CUX2: variants seen among roughly 807,000 people sequenced by gnomAD.
CUX2 encodes cut like homeobox 2.
CUX2 carries 40 observed loss-of-function variants against 144.8 expected under a neutral mutation model. The observed-to-expected ratio is 0.28, with a 90% CI of 0.21 to 0.36. The LOEUF (loss-of-function observed/expected upper bound fraction) is 0.36, where lower values mean the gene tolerates loss of function less well. CUX2 is among the 10% of genes least tolerant of loss of function. CUX2 has a pLI of 1.00. For missense variants in CUX2, 1,615 were observed against 1,994.0 expected, an observed-to-expected ratio of 0.81 and a Z score of 3.62; for synonymous variants, 827 against 875.6, an observed-to-expected ratio of 0.94 and a Z score of 0.98.
At position 111,347,941 on chromosome 12, in the gene CUX2, C is replaced by T. The variant is rs199885312; in HGVS notation, c.4077C>T (p.Pro1359=). ...CAGGTGGATCCACCCCAGACTGTCCCTCACTTCATCCCCAACAGGAGAGTG... is the reference window on the plus strand; with the variant it reads ...CAGGTGGATCCACCCCAGACTGTCCTTCACTTCATCCCCAACAGGAGAGTG... ...LLPGGSTPDC[P]SLHPQQESEA... is the part of the protein sequence containing the mutation. The change falls in exon 22 of 22, where the codon CCC becomes CCT. Residue 1359 remains proline (P), a synonymous_variant. Transcript: ENST00000261726. The T allele has an allele frequency of 1.2e-5, 19 of 1,614,174 alleles. No homozygotes were observed. The South Asian group carries it at 2.0e-4, about 17-fold the overall frequency.
intron 1 of CUX2, among the ~76,000 whole-genome samples, chr12:111,119,762 T>TA (rs775061523): frequency 1.1e-4 from 16 of 152,186 alleles, no homozygotes; most frequent in South Asian, 4.1e-4. Context: ...TTACTATTGT[T>TA]AAAAAACATT....
At chr12:111,202,816 A>C (rs1323392663) in intron 1 of CUX2, among the ~76,000 whole-genome samples, 1 of 152,140 alleles carries the variant, frequency 6.6e-6, no homozygotes, top group Non-Finnish European at 1.5e-5. Context: ...TACTGTTTTA[A>C]ATAGGACGGC....
Position 111,320,427 on chromosome 12 carries a change from G to T in CUX2, c.2418G>T (p.Ser806=). 6.3e-7 allele frequency: 1 copy of T among 1,597,246 alleles called. No individual in the cohort carries two copies. Among genetic ancestry groups the T allele is most frequent in the Non-Finnish European group, 8.5e-7 (1 of 1,178,688 alleles). Residue 806 remains serine, a synonymous_variant, in exon 17 of 22, where the codon TCG becomes TCT. Transcript: ENST00000261726. The surrounding 1 kb of genome is among the most constrained non-coding windows in gnomAD (Gnocchi z 8.1). Reference sequence around the variant, plus strand: ...GCCCCTACGCCTCCGTGTCGCCCTCGCTGTCCTCCTCCTCCTCCTCTGGCT... The same window carrying T: ...GCCCCTACGCCTCCGTGTCGCCCTCTCTGTCCTCCTCCTCCTCCTCTGGCT... The part of the protein sequence containing the change: ...LSRPYASVSP[S]LSSSSSSGYS...
At chr12:111,177,043 G>A (rs1458410808) in intron 1 of CUX2, among the ~76,000 whole-genome samples, 1 of 152,084 alleles carries the variant, frequency 6.6e-6, no homozygotes, top group East Asian at 1.9e-4. Flanking sequence ...ATAGCCAAAT[G>A]TCCCCCAGAG....
intron 9 of CUX2, among the ~76,000 whole-genome samples, chr12:111,300,044 G>A (rs1441009433): frequency 6.6e-6 from 1 of 152,130 alleles, no homozygotes; most frequent in Non-Finnish European, 1.5e-5. Context: ...GTGCCACCAC[G>A]CCGTGCTAAT....
In CUX2 at chr12:111,310,413, C is replaced by T. The variant is rs199576286; in HGVS notation, c.1631C>T (p.Ala544Val). 1.8e-4 allele frequency: 289 copies of T among 1,607,710 alleles called. No individual in the cohort carries two copies. Among genetic ancestry groups the T allele is most frequent in the Non-Finnish European group, 2.3e-4 (272 of 1,176,700 alleles). ...EPADGGGGGA[A>V]GPGAEEEQLD... ...GCGGATGGTGGTGGGGGCGGAGCGG[C>T]GGGGCCCGGGGCAGAGGAGGAGCAG... The change falls in exon 15 of 22, where the codon GCG (alanine) becomes GTG (valine). Residue 544 changes from alanine to valine, a missense_variant. Coordinates refer to ENST00000261726, the MANE Select transcript of CUX2 (RefSeq NM_015267.4). This position sits in a 1 kb window ranked among gnomAD's most constrained non-coding sequence, Gnocchi z 7.9.
At chr12:111,048,283 G>T (rs1166460916) in intron 1 of CUX2, among the ~76,000 whole-genome samples, 1 of 152,200 alleles carries the variant, frequency 6.6e-6, no homozygotes, top group Non-Finnish European at 1.5e-5. Context: ...AATAGGCAAA[G>T]GACAGCATCT....
chr12:111,094,296 A>G (rs1052972433), intron 1 of CUX2, among the ~76,000 whole-genome samples: 10 of 152,232 alleles, frequency 6.6e-5, no homozygotes, highest in African/African-American at 2.4e-4. Flanking sequence ...CGGTGTGAGC[A>G]GCCCTGGCCA....
intron 4 of CUX2, among the ~76,000 whole-genome samples, chr12:111,271,085 T>C (rs956224280): frequency 2.0e-5 from 3 of 152,220 alleles, no homozygotes; most frequent in Non-Finnish European, 2.9e-5. Flanking sequence ...ATAACAGTTA[T>C]AGGAGTGACA....
chr12:111,215,014 GA>G (rs1565853609), intron 2 of CUX2, among the ~76,000 whole-genome samples: 1 of 141,512 alleles, frequency 7.1e-6, no homozygotes, highest in Non-Finnish European at 1.5e-5. Flanking sequence ...CATAAATAGA[GA>G]AAATAAAGCC....
chr12:111,297,861 C>T (rs1452472651), intron 8 of CUX2, among the ~76,000 whole-genome samples: 1 of 152,046 alleles, frequency 6.6e-6, no homozygotes, highest in Non-Finnish European at 1.5e-5. Flanking sequence ...AAGGGAAGAA[C>T]TGGGGATGGG....
intron 3 of CUX2, among the ~76,000 whole-genome samples, chr12:111,243,024 G>A (rs528335384): frequency 3.5e-4 from 53 of 152,296 alleles, no homozygotes; most frequent in Middle Eastern, 6.8e-3. Flanking sequence ...CCCTGCAAAG[G>A]ATATGAACTC....
intron 4 of CUX2, among the ~76,000 whole-genome samples, chr12:111,290,173 A>C (rs979284414): frequency 1.3e-5 from 2 of 152,228 alleles, no homozygotes; most frequent in African/African-American, 4.8e-5. Flanking sequence ...CAATGAAGCC[A>C]GGGCAACATG....
chr12:111,211,681 C>T (rs1275465294), intron 1 of CUX2, among the ~76,000 whole-genome samples: 2 of 151,922 alleles, frequency 1.3e-5, no homozygotes, highest in African/African-American at 4.8e-5. Context: ...GTCAGGAGAT[C>T]GAGACTATCC....
In CUX2 at chr12:111,115,234, G is replaced by A. The variant is rs1874214518; in HGVS notation, c.63+80994G>A. On this transcript the variant is annotated intron_variant, in intron 1 of 21. Coordinates refer to ENST00000261726, the MANE Select transcript of CUX2 (RefSeq NM_015267.4). ...AAGCAAACCTGCTGGTATTTTGATT[G>A]ACATTGCGTTGAATCTGTAGATCAA... is the stretch of plus-strand genomic sequence containing the variant. 2.7e-5 allele frequency among the ~76,000 whole-genome samples: 4 copies of A among 148,758 alleles called. No homozygotes were observed. The South Asian group carries it at 8.5e-4, about 32-fold the overall frequency.
chr12:111,317,099 A>G (rs1887235311), intron 16 of CUX2, among the ~76,000 whole-genome samples: 1 of 152,214 alleles, frequency 6.6e-6, no homozygotes, highest in Non-Finnish European at 1.5e-5. Flanking sequence ...TTCCATTGCT[A>G]TATTACTTTT....
chr12:111,162,770 G>T (rs761011417), intron 1 of CUX2, among the ~76,000 whole-genome samples: 9 of 152,238 alleles, frequency 5.9e-5, no homozygotes, highest in Non-Finnish European at 1.2e-4. Flanking sequence ...TAAGGGCCAG[G>T]TGTGGTGGCT....
intron 3 of CUX2, among the ~76,000 whole-genome samples, chr12:111,232,212 A>T (rs11065834): frequency 0.013 from 1,940 of 148,654 alleles, 25 homozygotes; most frequent in African/African-American, 0.028. Flanking sequence ...CTGAAAAAAA[A>T]ATATATATAT....
At chr12:111,273,985 T>C (rs1884742620) in intron 4 of CUX2, among the ~76,000 whole-genome samples, 2 of 152,214 alleles carry the variant, frequency 1.3e-5, no homozygotes, top group African/African-American at 2.4e-5. Flanking sequence ...GGGCACAATG[T>C]TGAGCAAAAC....
Sources: gnomAD v4.1 joint callset for allele counts (sites outside exome capture counted in the v4.1 genomes callset) on GRCh38, gnomAD v4.1.1 for gene constraint, Gnocchi (gnomAD v3.1) non-coding constraint, MANE v1.5 for transcripts, NCBI Gene and HGNC (gene_info 2026-07-23, HGNC 2026-07-21) for gene names.